The following DIP2C variants were observed in gnomAD, a reference collection of about 807,000 sequenced individuals.
DIP2C encodes disco-interacting protein 2 homolog C.
Under a neutral mutation model 192.4 loss-of-function variants are expected in DIP2C, and 33 were observed. The ratio of observed to expected loss-of-function variants is 0.17; its 90% CI spans 0.13 to 0.23. DIP2C has a LOEUF of 0.23. Ranked by LOEUF, DIP2C falls within the 10% of genes least tolerant of loss-of-function variation. DIP2C has a pLI of 1.00. For missense variants in DIP2C, 1,537 were observed against 2,110.1 expected, an observed-to-expected ratio of 0.73 and a Z score of 5.32; for synonymous variants, 979 against 864.1, an observed-to-expected ratio of 1.13 and a Z score of -2.33.
In DIP2C at chr10:528,340, AGCAGACCGCCCGCTGCCCACCCAGAAC is replaced by A. The variant is rs1478097961; in HGVS notation, c.86-41837_86-41811del. Among the ~76,000 whole-genome samples the A allele has an allele frequency of 2.4e-3, 323 of 132,336 alleles. 1 individual carries two copies. The highest frequency in any genetic ancestry group is 6.5e-3 in the East Asian group (30 of 4,650). 86.8% of individuals were successfully genotyped at this position (132,336 alleles called of 152,430 possible). A position where few individuals can be genotyped will look rare whatever the true frequency, so the allele number is the denominator to read the frequency against. Reference sequence around the variant, plus strand: ...CAGACCGCCCACAGCTCCCCCAGAAAGCAGACCGCCCGCTGCCCACCCAGAACGCAGACCGCCCGCAGCTCCCCCAGA... The same window carrying A: ...CAGACCGCCCACAGCTCCCCCAGAAAGCAGACCGCCCGCAGCTCCCCCAGA... On this transcript the variant is annotated intron_variant, in intron 1 of 36. Transcript: ENST00000280886.
intron 1 of DIP2C, among the ~76,000 whole-genome samples, chr10:566,053 A>G (rs1849451038): frequency 6.6e-6 from 1 of 152,254 alleles, no homozygotes; most frequent in Non-Finnish European, 1.5e-5. Context: ...ACTCACCAGA[A>G]AAAACAAAAC....
intron 1 of DIP2C, among the ~76,000 whole-genome samples, chr10:505,270 C>T (rs1048430224): frequency 9.2e-5 from 14 of 152,034 alleles, no homozygotes; most frequent in Non-Finnish European, 2.9e-5. Context: ...TCTAGTCCCT[C>T]TACAAGGATA....
intron 1 of DIP2C, among the ~76,000 whole-genome samples, chr10:574,760 G>T (rs1384747063): frequency 1.3e-5 from 2 of 152,192 alleles, no homozygotes; most frequent in African/African-American, 2.4e-5. Flanking sequence ...AACACTCAAT[G>T]CTGCCACTAT....
rs1589570239 is a variant in DIP2C, at chr10:349,930, C to T, written c.2986-476G>A. Among the ~76,000 whole-genome samples the T allele has an allele frequency of 2.0e-5, 3 of 152,296 alleles. 1 individual carries two copies. The South Asian group carries it at 6.2e-4, about 32-fold the overall frequency. ...AAAAAACAAAAGCAAAATAAACAAA[C>T]ACACCCTACAGGAATGAAAAGAACT... On this transcript the variant is annotated intron_variant, in intron 24 of 36. Coordinates refer to ENST00000280886, the MANE Select transcript of DIP2C (RefSeq NM_014974.3).
intron 3 of DIP2C, among the ~76,000 whole-genome samples, chr10:456,655 A>G (rs1000161261): frequency 6.6e-6 from 1 of 152,228 alleles, no homozygotes; most frequent in South Asian, 2.1e-4. Flanking sequence ...CAGACGAGAC[A>G]GGCTGCATGG....
chr10:484,875 A>C (rs767794136), intron 2 of DIP2C: 11 of 1,611,916 alleles, frequency 6.8e-6, no homozygotes, highest in Middle Eastern at 1.7e-4. Flanking sequence ...CGATGTGGGC[A>C]GAGCGGAATG....
At position 602,355 on chromosome 10, in the gene DIP2C, A is replaced by G. The variant is rs181594769; in HGVS notation, c.85+87139T>C. 2.5e-3 allele frequency among the ~76,000 whole-genome samples: 383 copies of G among 152,254 alleles called. 1 individual carries two copies. Among genetic ancestry groups the G allele is most frequent in the Middle Eastern group, 0.01 (3 of 294 alleles). On this transcript the variant is annotated intron_variant, in intron 1 of 36. Coordinates refer to ENST00000280886, the MANE Select transcript of DIP2C (RefSeq NM_014974.3). ...GCTGTGGCTCTGTGGCAGTAATGAT[A>G]CCATCGCAGCCCTAACACCACAGCA... is the stretch of plus-strand genomic sequence containing the variant.
chr10:579,410 T>C (rs984930761), intron 1 of DIP2C, among the ~76,000 whole-genome samples: 4 of 151,922 alleles, frequency 2.6e-5, no homozygotes, highest in African/African-American at 9.7e-5. Context: ...TCCAGATCCA[T>C]ATAGCGTATG....
At chr10:433,015 GGT>G (rs1174897256) in intron 4 of DIP2C, among the ~76,000 whole-genome samples, 1 of 152,072 alleles carries the variant, frequency 6.6e-6, no homozygotes, top group African/African-American at 2.4e-5. Flanking sequence ...AATTTGTTAA[GGT>G]GTGTTTTATG....
At chr10:598,929 C>G (rs1017855524) in intron 1 of DIP2C, among the ~76,000 whole-genome samples, 2 of 152,234 alleles carry the variant, frequency 1.3e-5, no homozygotes, top group South Asian at 4.1e-4. Context: ...GAAAAGACTG[C>G]CTCAAGGAAC....
At chr10:513,616 C>CA (rs1846169083) in intron 1 of DIP2C, among the ~76,000 whole-genome samples, 1 of 29,402 alleles carries the variant, frequency 3.4e-5, no homozygotes, top group Non-Finnish European at 6.5e-5. Flanking sequence ...ACGCCTTCCA[C>CA]ACCTTACCTG....
At chr10:665,182 C>A (rs1857008448) in intron 1 of DIP2C, 1 of 152,164 alleles carries the variant, frequency 6.6e-6, no homozygotes. Context: ...TGTGAGTTCT[C>A]TTGACCCTAA....
intron 31 of DIP2C, among the ~76,000 whole-genome samples, chr10:325,412 C>T (rs538356454): frequency 2.0e-5 from 3 of 152,312 alleles, no homozygotes; most frequent in Admixed American, 1.3e-4. Context: ...GGGCACGATG[C>T]GACGGGTTAC....
intron 1 of DIP2C, among the ~76,000 whole-genome samples, chr10:671,790 GAGGAA>G (rs1318384418): frequency 7.3e-6 from 1 of 136,284 alleles, no homozygotes. Flanking sequence ...CGCACGGACG[GAGGAA>G]ACAGGCCACA....
rs751018377 is a variant in DIP2C at position 356,415 on chromosome 10, C to T, written c.2985+11G>A. The T allele has an allele frequency of 6.2e-6, 10 of 1,610,388 alleles. No homozygotes were observed. Among genetic ancestry groups the T allele is most frequent in the Non-Finnish European group, 7.6e-6 (9 of 1,179,968 alleles). ...GGCCAGTAGCCAGGGAAGGCCAGCT[C>T]CGCGCCTCACCCGACAGTTGAGCAG... On this transcript the variant is annotated intron_variant, in intron 24 of 36. Coordinates refer to ENST00000280886, the MANE Select transcript of DIP2C (RefSeq NM_014974.3).
intron 1 of DIP2C, among the ~76,000 whole-genome samples, chr10:592,230 G>C (rs952353708): frequency 1.3e-5 from 2 of 152,206 alleles, no homozygotes; most frequent in Non-Finnish European, 2.9e-5. Flanking sequence ...TTCAGGTTCT[G>C]CTGTGTTTCA....
chr10:340,666 G>T, intron 29 of DIP2C: 2 of 427,002 alleles, frequency 4.7e-6, no homozygotes. Context: ...AGTTTTTCTG[G>T]TCATTCATTC....
At chr10:463,519 T>A (rs1034585297) in intron 3 of DIP2C, among the ~76,000 whole-genome samples, 1 of 152,204 alleles carries the variant, frequency 6.6e-6, no homozygotes, top group African/African-American at 2.4e-5. Flanking sequence ...TGGAAAATCA[T>A]TCCATGCTCA....
intron 1 of DIP2C, among the ~76,000 whole-genome samples, chr10:561,380 C>G (rs1180290306): frequency 6.6e-6 from 1 of 152,164 alleles, no homozygotes; most frequent in South Asian, 2.1e-4. Context: ...GGCATGGGGA[C>G]TCCAACCCCT....
Sources: allele counts gnomAD v4.1 joint callset (sites outside exome capture counted in the v4.1 genomes callset), GRCh38; gene constraint gnomAD v4.1.1; transcripts MANE v1.5; gene names NCBI Gene and HGNC (gene_info 2026-07-23, HGNC 2026-07-21).